The following SHANK2 variants were observed in gnomAD, a reference collection of about 807,000 sequenced individuals.
SHANK2 encodes SH3 and multiple ankyrin repeat domains 2.
A neutral mutation model predicts 133.7 loss-of-function variants in SHANK2; 43 were observed. The ratio of observed to expected loss-of-function variants is 0.32; its 90% CI spans 0.25 to 0.41. The LOEUF is 0.41. Ranked by LOEUF, SHANK2 falls within the 10% of genes least tolerant of loss-of-function variation. The pLI, the probability that SHANK2 is intolerant of heterozygous loss-of-function variation, is 1.00. For missense variants in SHANK2, 1,994 were observed against 2,235.8 expected (o/e 0.89, Z 2.18); for synonymous variants, 1,017 against 952.8 (o/e 1.07, Z -1.24).
At chr11:70,720,138 G>A (rs1048335861) in intron 14 of SHANK2, among the ~76,000 whole-genome samples, 20 of 152,316 alleles carry the variant, frequency 1.3e-4, no homozygotes, top group African/African-American at 3.8e-4. Flanking sequence ...CAGGGTCCAC[G>A]TTGCCCCTGG....
intron 1 of SHANK2, among the ~76,000 whole-genome samples, chr11:71,242,787 C>T (rs1229835358): frequency 2.0e-5 from 3 of 152,250 alleles, no homozygotes; most frequent in African/African-American, 7.2e-5. Context: ...TCATTCTTCT[C>T]AAGGGCACGT....
rs1212329760 is a variant in SHANK2, at chr11:71,175,545, GGAGAGGGAGAGAGAGAGA to G, written c.-12-28225_-12-28208del. On this transcript the variant is annotated intron_variant, in intron 2 of 25. Coordinates refer to ENST00000601538, the MANE Select transcript of SHANK2 (RefSeq NM_012309.5). This position sits in a 1 kb window ranked among gnomAD's most constrained non-coding sequence, Gnocchi z 4.2. ...GACAGACAGACAGACAGAGGGAGAG[GGAGAGGGAGAGAGAGAGA>G]GAGAGAGAGAGAGAGAGAGAGAGAG... 0.077 allele frequency among the ~76,000 whole-genome samples: 6,120 copies of G among 79,380 alleles called. 400 individuals carry two copies. The highest frequency in any genetic ancestry group is 0.19 in the African/African-American group (4,349 of 22,616). The allele number at this position is 79,380 out of a possible 152,430, so 52.1% of individuals were successfully genotyped here.
At chr11:70,845,737 C>CA (rs1441463501) in intron 11 of SHANK2, among the ~76,000 whole-genome samples, 4 of 152,194 alleles carry the variant, frequency 2.6e-5, no homozygotes, top group African/African-American at 9.7e-5. Context: ...AATGAATGCA[C>CA]ATTTCCCATA....
intron 25 of SHANK2, among the ~76,000 whole-genome samples, chr11:70,484,265 T>C (rs1555152421): frequency 1.3e-5 from 2 of 152,178 alleles, no homozygotes; most frequent in East Asian, 1.9e-4. Context: ...GTCTCCAGTG[T>C]TGGAGGAGGT....
At chr11:70,698,215 G>A (rs1555022750) in intron 15 of SHANK2, 1 of 197,812 alleles carries the variant, frequency 5.1e-6, no homozygotes, top group African/African-American at 2.3e-5. Flanking sequence ...TAGAAGATCT[G>A]GCTACCTGGT....
intron 12 of SHANK2, among the ~76,000 whole-genome samples, chr11:70,811,103 T>C (rs1303658272): frequency 6.6e-6 from 1 of 151,922 alleles, no homozygotes; most frequent in Non-Finnish European, 1.5e-5. Context: ...CCCGGATAGG[T>C]TGACTCCAGG....
intron 2 of SHANK2, among the ~76,000 whole-genome samples, chr11:71,154,927 C>A (rs535549758): frequency 1.2e-4 from 13 of 112,558 alleles, no homozygotes; most frequent in East Asian, 3.0e-4. Context: ...GACCTACCCC[C>A]GCCCACGCTC....
chr11:70,647,840 C>G (rs12270605), intron 17 of SHANK2, among the ~76,000 whole-genome samples: 1 of 152,224 alleles, frequency 6.6e-6, no homozygotes, highest in Non-Finnish European at 1.5e-5. Flanking sequence ...CATCCCACCC[C>G]GGATGGGGAC....
chr11:70,696,552 G>A (rs1945396223), intron 15 of SHANK2, among the ~76,000 whole-genome samples: 2 of 152,242 alleles, frequency 1.3e-5, no homozygotes, highest in South Asian at 4.1e-4. Context: ...GCTGTGGTCA[G>A]TCCCTGACCT....
chr11:70,922,819 AAC>A (rs1950369911), intron 10 of SHANK2, among the ~76,000 whole-genome samples: 1 of 152,206 alleles, frequency 6.6e-6, no homozygotes, highest in East Asian at 1.9e-4. Flanking sequence ...TGAGTTTCTA[AAC>A]GTGTTACCAC....
chr11:70,789,760 C>G (rs953792101), intron 14 of SHANK2, among the ~76,000 whole-genome samples: 1 of 152,210 alleles, frequency 6.6e-6, no homozygotes, highest in Non-Finnish European at 1.5e-5. Context: ...GGCCCCCACT[C>G]CTACCTCAGT....
Position 70,473,456 on chromosome 11 carries a change from G to C in SHANK2, c.4980-17C>G, listed in dbSNP as rs782479830. On this transcript the variant is annotated splice_polypyrimidine_tract_variant and intron_variant, in intron 25 of 25. Coordinates refer to ENST00000601538, the MANE Select transcript of SHANK2 (RefSeq NM_012309.5). The surrounding 1 kb of genome is among the most constrained non-coding windows in gnomAD (Gnocchi z 5.9). ...TCCGGGCTTCTGAAACAGCAACACAGAGAAAACCATCACAAGGCAGGTCAC... is the reference window on the plus strand; with the variant it reads ...TCCGGGCTTCTGAAACAGCAACACACAGAAAACCATCACAAGGCAGGTCAC... 1.2e-6 allele frequency: 2 copies of C among 1,600,416 alleles called. No individual in the cohort carries two copies. The highest frequency in any genetic ancestry group is 1.1e-5 in the South Asian group (1 of 91,050).
At chr11:71,166,271 C>T (rs555120443) in intron 2 of SHANK2, among the ~76,000 whole-genome samples, 9 of 152,152 alleles carry the variant, frequency 5.9e-5, no homozygotes, top group Non-Finnish European at 1.0e-4. Flanking sequence ...GCCACAAAGA[C>T]GCCAGAGACG....
intron 15 of SHANK2, chr11:70,667,750 C>T (rs544490173): frequency 5.9e-5 from 9 of 152,230 alleles, no homozygotes; most frequent in Non-Finnish European, 7.3e-5. Context: ...CTGGCCCAGA[C>T]GTATGGGCCT....
At chr11:71,112,801 G>A (rs902813246) in intron 5 of SHANK2, among the ~76,000 whole-genome samples, 2 of 148,248 alleles carry the variant, frequency 1.3e-5, no homozygotes, top group Non-Finnish European at 1.5e-5. Flanking sequence ...TCTTATCTGG[G>A]ACTCTGAGCT....
At chr11:70,541,087 G>T (rs1173450501) in intron 17 of SHANK2, among the ~76,000 whole-genome samples, 1 of 152,158 alleles carries the variant, frequency 6.6e-6, no homozygotes. Flanking sequence ...TGCTGAGCTT[G>T]TCTCCCGTGA....
chr11:70,898,324 GTATA>G (rs144423096), intron 10 of SHANK2, among the ~76,000 whole-genome samples: 2 of 141,486 alleles, frequency 1.4e-5, no homozygotes, highest in Non-Finnish European at 3.2e-5. Flanking sequence ...ATATATATGT[GTATA>G]TATATATATG....
intron 14 of SHANK2, among the ~76,000 whole-genome samples, chr11:70,782,702 C>T (rs1472525994): frequency 6.6e-6 from 1 of 152,228 alleles, no homozygotes; most frequent in Non-Finnish European, 1.5e-5. Context: ...TGAAGAAAAA[C>T]AGGCAGAAGA....
At chr11:70,890,584 G>A (rs1949825292) in intron 11 of SHANK2, among the ~76,000 whole-genome samples, 1 of 151,958 alleles carries the variant, frequency 6.6e-6, no homozygotes, top group African/African-American at 2.4e-5. Context: ...CGGATCACCT[G>A]TGGTTCAGAG....
Sources: gnomAD v4.1 joint callset for allele counts (sites outside exome capture counted in the v4.1 genomes callset) on GRCh38, gnomAD v4.1.1 for gene constraint, Gnocchi (gnomAD v3.1) non-coding constraint, MANE v1.5 for transcripts, NCBI Gene and HGNC (gene_info 2026-07-23, HGNC 2026-07-21) for gene names.